NUDT13: variants seen among roughly 807,000 people sequenced by gnomAD.
NUDT13 encodes NAD(P)H pyrophosphatase NUDT13, mitochondrial.
In NUDT13, 40 loss-of-function variants were observed where a neutral mutation model predicts 41.7. The observed-to-expected ratio is 0.96, with a 90% CI of 0.75 to 1.25. NUDT13 has a LOEUF of 1.25. Among genes scored for constraint, NUDT13 ranks in the 50% most tolerant of loss-of-function variants. NUDT13 has a pLI of 0.00. For synonymous variants in NUDT13, 145 were observed against 155.5 expected, an observed-to-expected ratio of 0.93 and a Z score of 0.50; for missense variants, 390 against 416.1, an observed-to-expected ratio of 0.94 and a Z score of 0.55.
chr10:73,113,075 T>TG (rs1418659627), intron 1 of NUDT13, among the ~76,000 whole-genome samples: 13 of 152,106 alleles, frequency 8.5e-5, no homozygotes, highest in African/African-American at 2.9e-4. Flanking sequence ...TTAGTAGAGA[T>TG]GGGGTTTCTC....
chr10:73,121,679 C>T (rs1842649105), intron 3 of NUDT13, among the ~76,000 whole-genome samples: 1 of 152,160 alleles, frequency 6.6e-6, no homozygotes, highest in South Asian at 2.1e-4. Context: ...CCATCTCTGC[C>T]TCCCAAGTTT....
At position 73,126,681 on chromosome 10, in the gene NUDT13, G is replaced by A. The variant is rs1367651726; in HGVS notation, c.712G>A (p.Val238Met). The change falls in exon 8 of 9, where the codon GTG becomes ATG. Residue 238 changes from valine (V) to methionine (M), a missense_variant. Val to Met is a conservative substitution (Grantham distance 21, BLOSUM62 1). Coordinates refer to ENST00000357321, the MANE Select transcript of NUDT13 (RefSeq NM_015901.6). ...AATCTGAGTGCTTGTAGGTGAAAGT[G>A]TGGAAGAGACCATCCGCCGAGAAGT... is the stretch of plus-strand genomic sequence containing the variant. The part of the protein sequence containing the change: ...LAGFCDIGES[V>M]EETIRREVAE... The A allele has an allele frequency of 6.2e-7, 1 of 1,614,126 alleles. No individual in the cohort carries two copies.
Position 73,125,436 on chromosome 10 carries a change from C to T in NUDT13, c.630C>T (p.Thr210=), listed in dbSNP as rs749103011. The T allele has an allele frequency of 1.7e-5, 27 of 1,613,370 alleles. No homozygotes were observed. Among genetic ancestry groups the T allele is most frequent in the Non-Finnish European group, 2.1e-5 (25 of 1,179,754 alleles). Residue 210 remains threonine, a synonymous_variant, in exon 7 of 9, where the codon ACC becomes ACT. Coordinates refer to ENST00000357321, the MANE Select transcript of NUDT13 (RefSeq NM_015901.6). Reference sequence around the variant, plus strand: ...CGATCACGCTGGTGTCAGATGGGACCCGATGCCTGCTTGCCCGCCAAAGCT... The same window carrying T: ...CGATCACGCTGGTGTCAGATGGGACTCGATGCCTGCTTGCCCGCCAAAGCT... ...PVAITLVSDG[T]RCLLARQSSF...
In NUDT13 at chr10:73,122,158, C is replaced by T. The variant is rs200596677; in HGVS notation, c.224-17C>T. On this transcript the variant is annotated splice_polypyrimidine_tract_variant and intron_variant, in intron 3 of 8. Coordinates refer to ENST00000357321, the MANE Select transcript of NUDT13 (RefSeq NM_015901.6). ...CCTTGTGTTTTGCTTTTCTCCCTTC[C>T]CCTTTCTGTTTCTTAGAGTTGGAAA... is the stretch of plus-strand genomic sequence containing the variant. 1 of 1,609,268 alleles carries T rather than the reference C, an allele frequency of 6.2e-7. No homozygotes were observed. The highest frequency in any genetic ancestry group is 8.5e-7 in the Non-Finnish European group (1 of 1,178,294).
At chr10:73,127,906 C>T (rs946408014) in intron 8 of NUDT13, among the ~76,000 whole-genome samples, 3 of 151,976 alleles carry the variant, frequency 2.0e-5, no homozygotes, top group Non-Finnish European at 2.9e-5. Context: ...TGGCCACCCT[C>T]CCTTCAGCCC....
intron 1 of NUDT13, among the ~76,000 whole-genome samples, chr10:73,112,177 C>G (rs866703424): frequency 6.6e-6 from 1 of 151,994 alleles, no homozygotes; most frequent in Non-Finnish European, 1.5e-5. Flanking sequence ...ATGGAGAAAC[C>G]CCATCTCTAC....
At chr10:73,116,935 G>C (rs1842529469) in intron 2 of NUDT13, among the ~76,000 whole-genome samples, 1 of 131,016 alleles carries the variant, frequency 7.6e-6, no homozygotes, top group Non-Finnish European at 1.5e-5. Context: ...TGCCAGGCTG[G>C]ACTGCAGTGG....
intron 4 of NUDT13, among the ~76,000 whole-genome samples, chr10:73,122,793 G>C (rs1039901102): frequency 6.6e-6 from 1 of 151,054 alleles, no homozygotes. Flanking sequence ...TGTTGCCCAG[G>C]CTGGTCTCAA....
At chr10:73,112,542 T>C (rs1842393530) in intron 1 of NUDT13, among the ~76,000 whole-genome samples, 1 of 151,894 alleles carries the variant, frequency 6.6e-6, no homozygotes, top group South Asian at 2.1e-4. Flanking sequence ...AAAAAGTATA[T>C]ATTTATAGTT....
intron 2 of NUDT13, 107 bp from the exon 3 acceptor site, chr10:73,119,910 GA>G: frequency 8.5e-7 from 1 of 1,176,370 alleles, no homozygotes; most frequent in Non-Finnish European, 1.2e-6. Flanking sequence ...TAAATAAAGG[GA>G]AATAACCATG....
At chr10:73,124,401 AGTGACG>A in intron 5 of NUDT13, 81 bp downstream of exon 5, 1 of 914,178 alleles carries the variant, frequency 1.1e-6, no homozygotes, top group Non-Finnish European at 1.8e-6. Flanking sequence ...ACAAGGCTAG[AGTGACG>A]TTTGATTTCT....
intron 4 of NUDT13, 125 bp from the exon 5 acceptor site, chr10:73,124,089 C>A (rs920584799): frequency 2.1e-5 from 14 of 658,358 alleles, no homozygotes; most frequent in Non-Finnish European, 3.5e-5. Context: ...GGCACACGCC[C>A]CCCACACCTA....
chr10:73,114,950 A>G (rs1405368335), intron 2 of NUDT13: 2 of 152,156 alleles, frequency 1.3e-5, no homozygotes, highest in Non-Finnish European at 1.5e-5. Context: ...TCAGATTTCT[A>G]CATGGTTGTC....
chr10:73,124,193 T>C (rs909320718), intron 4 of NUDT13, 21 bp from the exon 5 acceptor site: 1 of 1,525,748 alleles, frequency 6.6e-7, no homozygotes, highest in Non-Finnish European at 9.1e-7. Flanking sequence ...TTTAATTTCA[T>C]TATCTTTTCT....
At chr10:73,124,576 G>A (rs1273520655) in intron 5 of NUDT13, 1 of 419,812 alleles carries the variant, frequency 2.4e-6, no homozygotes. Context: ...GGATCTGTCA[G>A]CCTCATAAAC....
In NUDT13 at chr10:73,120,097, C is replaced by A. The variant is rs1173431832; in HGVS notation, c.163C>A (p.Leu55Met). Residue 55 changes from leucine (L) to methionine (M), a missense_variant, in exon 3 of 9, where the codon CTG (leucine) becomes ATG (methionine). Transcript: ENST00000357321. ...QTGAFYLFHS[L>M]APLLQTSAHQ... is the part of the protein sequence containing the mutation. The stretch of plus-strand genomic sequence containing the variant: ...AGGAGCGTTTTACCTCTTTCATAGT[C>A]TGGCTCCTCTGCTTCAGACTTCAGC... The A allele has an allele frequency of 3.1e-6, 5 of 1,614,202 alleles. No homozygotes were observed. Among genetic ancestry groups the A allele is most frequent in the Non-Finnish European group, 4.2e-6 (5 of 1,180,026 alleles).
chr10:73,118,964 T>A (rs1289782409), intron 2 of NUDT13, among the ~76,000 whole-genome samples: 1 of 151,838 alleles, frequency 6.6e-6, no homozygotes, highest in Non-Finnish European at 1.5e-5. Flanking sequence ...AGAGTGAGAC[T>A]CTGTCTCAAA....
intron 2 of NUDT13, among the ~76,000 whole-genome samples, chr10:73,114,704 C>T (rs1021702948): frequency 6.6e-6 from 1 of 151,754 alleles, no homozygotes; most frequent in African/African-American, 2.4e-5. Context: ...CTTTAGACCT[C>T]AGGGGCAGGC....
chr10:73,119,202 T>C (rs527436571), intron 2 of NUDT13, among the ~76,000 whole-genome samples: 1 of 151,894 alleles, frequency 6.6e-6, no homozygotes, highest in Admixed American at 6.6e-5. Context: ...CGTGCCACCA[T>C]GCCCAGCTAA....
Sources: allele counts gnomAD v4.1 joint callset (sites outside exome capture counted in the v4.1 genomes callset), GRCh38; gene constraint gnomAD v4.1.1; transcripts MANE v1.5; gene names NCBI Gene and HGNC (gene_info 2026-07-23, HGNC 2026-07-21).